The following EXOC6B variants were observed in gnomAD, a reference collection of about 807,000 sequenced individuals.
The protein encoded by EXOC6B is exocyst complex component 6B.
EXOC6B carries 54 observed loss-of-function variants against 113.5 expected under a neutral mutation model. That is an observed-to-expected ratio of 0.48 (90% CI 0.38 to 0.60). The LOEUF (loss-of-function observed/expected upper bound fraction) is 0.60, where lower values mean the gene tolerates loss of function less well. Ranked by LOEUF, EXOC6B falls within the 20% of genes least tolerant of loss-of-function variation. EXOC6B has a pLI of 0.00. For missense variants in EXOC6B, 797 were observed against 977.5 expected, an observed-to-expected ratio of 0.82 and a Z score of 2.46; for synonymous variants, 357 against 339.0, an observed-to-expected ratio of 1.05 and a Z score of -0.58.
chr2:72,549,158 G>A (rs1703071112), intron 8 of EXOC6B, among the ~76,000 whole-genome samples: 1 of 152,178 alleles, frequency 6.6e-6, no homozygotes, highest in South Asian at 2.1e-4. Flanking sequence ...AGAAAATATG[G>A]ATGATAAGAC....
chr2:72,374,864 A>G (rs1437706619), intron 19 of EXOC6B, among the ~76,000 whole-genome samples: 2 of 151,004 alleles, frequency 1.3e-5, no homozygotes. Flanking sequence ...TCACCTAACC[A>G]ACCCAATTAA....
At chr2:72,313,540 A>T (rs1687336338) in intron 20 of EXOC6B, among the ~76,000 whole-genome samples, 1 of 152,178 alleles carries the variant, frequency 6.6e-6, no homozygotes. Flanking sequence ...AAGGGTGTGT[A>T]TATGTAAAAT....
intron 18 of EXOC6B, among the ~76,000 whole-genome samples, chr2:72,403,135 T>C (rs1349291203): frequency 6.6e-6 from 1 of 152,196 alleles, no homozygotes; most frequent in African/African-American, 2.4e-5. Context: ...CTTTTCTGAG[T>C]GTATTGCACT....
At chr2:72,431,534 T>TATCC (rs1317124589) in intron 18 of EXOC6B, among the ~76,000 whole-genome samples, 2 of 151,546 alleles carry the variant, frequency 1.3e-5, no homozygotes, top group African/African-American at 4.8e-5. Flanking sequence ...TCTATCTATC[T>TATCC]ATCTAAGACC....
rs954246088 is a variant in EXOC6B at position 72,687,139 on chromosome 2, A to C, written c.669+30964T>G. On this transcript the variant is annotated intron_variant, in intron 6 of 21. Transcript: ENST00000272427. ...GGTGACAGAGCCAGACTGTGTCTCAAAAAAAAAAAAAAACCTTTGTTTTTT... is the reference window on the plus strand; with the variant it reads ...GGTGACAGAGCCAGACTGTGTCTCACAAAAAAAAAAAAACCTTTGTTTTTT... Among the ~76,000 whole-genome samples, 21 of 99,448 alleles carry C rather than the reference A, an allele frequency of 2.1e-4. 1 individual carries two copies. Among genetic ancestry groups the C allele is most frequent in the African/African-American group, 1.6e-3 (18 of 11,426 alleles). The allele number at this position is 99,448 out of a possible 152,430, so 65.2% of individuals were successfully genotyped here.
intron 1 of EXOC6B, among the ~76,000 whole-genome samples, chr2:72,809,351 C>T (rs907310158): frequency 4.0e-5 from 6 of 151,720 alleles, no homozygotes; most frequent in Non-Finnish European, 7.4e-5. Context: ...TCAAATATAA[C>T]GATACAGGCA....
rs558852513 is a variant in EXOC6B, at chr2:72,248,970, A to C, written c.2197-64783T>G. ...TCTAGTTTCAACAGAATTCATCTGA[A>C]GAGGCAAACAAGGCTGGGTGTGGTA... On this transcript the variant is annotated intron_variant, in intron 20 of 21. Transcript: ENST00000272427. Among the ~76,000 whole-genome samples, 99 of 152,362 alleles carry C rather than the reference A, an allele frequency of 6.5e-4. 1 individual carries two copies. Among genetic ancestry groups the C allele is most frequent in the African/African-American group, 2.4e-3 (99 of 41,598 alleles).
At chr2:72,613,754 A>C (rs1671218789) in intron 6 of EXOC6B, among the ~76,000 whole-genome samples, 1 of 152,118 alleles carries the variant, frequency 6.6e-6, no homozygotes, top group African/African-American at 2.4e-5. Flanking sequence ...GCAAAAAAAA[A>C]AAAATCTAAA....
chr2:72,634,783 C>G (rs1046705932), intron 6 of EXOC6B, among the ~76,000 whole-genome samples: 31 of 152,228 alleles, frequency 2.0e-4, no homozygotes, highest in African/African-American at 6.7e-4. Flanking sequence ...CTTGTGCTGT[C>G]CTTATAACAA....
intron 20 of EXOC6B, among the ~76,000 whole-genome samples, chr2:72,293,056 G>A (rs1006735794): frequency 6.6e-6 from 1 of 152,116 alleles, no homozygotes; most frequent in Non-Finnish European, 1.5e-5. Context: ...GCCAGAAGTG[G>A]AATTGCTGAT....
In EXOC6B at chr2:72,350,355, T is replaced by C. The variant is rs188443499; in HGVS notation, c.2123-15335A>G. ...TTCGTTGATAACTTTTCCCCCAATA[T>C]AGAATTTTAATGTAAAGTATTAAAA... On this transcript the variant is annotated intron_variant, in intron 19 of 21. Transcript: ENST00000272427. 3.7e-3 allele frequency among the ~76,000 whole-genome samples: 568 copies of C among 152,308 alleles called. 3 individuals carry two copies. Among genetic ancestry groups the C allele is most frequent in the Non-Finnish European group, 5.7e-3 (386 of 68,030 alleles).
At chr2:72,633,403 CTGT>C (rs143179794) in intron 6 of EXOC6B, among the ~76,000 whole-genome samples, 2 of 151,982 alleles carry the variant, frequency 1.3e-5, no homozygotes, top group African/African-American at 4.8e-5. Context: ...ACAATGTATG[CTGT>C]TGTTGTTGTT....
intron 18 of EXOC6B, among the ~76,000 whole-genome samples, chr2:72,433,981 C>T (rs940871506): frequency 1.3e-5 from 2 of 152,056 alleles, no homozygotes; most frequent in African/African-American, 4.8e-5. Flanking sequence ...TGTCTTGTGC[C>T]GGTTTTCAAA....
At chr2:72,518,491 T>C (rs1025271453) in intron 8 of EXOC6B, among the ~76,000 whole-genome samples, 1 of 150,938 alleles carries the variant, frequency 6.6e-6, no homozygotes, top group African/African-American at 2.4e-5. Context: ...AGGGTGTGTG[T>C]GTGTGTGTGT....
At chr2:72,304,678 A>G (rs1686725698) in intron 20 of EXOC6B, among the ~76,000 whole-genome samples, 1 of 152,228 alleles carries the variant, frequency 6.6e-6, no homozygotes, top group African/African-American at 2.4e-5. Flanking sequence ...ATCAACCTCT[A>G]GTAAAAAATA....
chr2:72,202,149 T>C (rs762564674), intron 20 of EXOC6B, among the ~76,000 whole-genome samples: 4 of 152,238 alleles, frequency 2.6e-5, no homozygotes, highest in Non-Finnish European at 5.9e-5. Flanking sequence ...GGTCTATATA[T>C]GGCTTGTTGT....
intron 19 of EXOC6B, among the ~76,000 whole-genome samples, chr2:72,357,940 T>C (rs1426742654): frequency 6.6e-6 from 1 of 152,094 alleles, no homozygotes; most frequent in East Asian, 1.9e-4. Context: ...CACACAACAA[T>C]GAAACCACCT....
At chr2:72,401,582 C>CGT (rs1553397954) in intron 18 of EXOC6B, among the ~76,000 whole-genome samples, 1 of 18,452 alleles carries the variant, frequency 5.4e-5, no homozygotes, top group Non-Finnish European at 9.4e-5. Context: ...TATATATATA[C>CGT]ATATATATAT....
rs571056929 is a variant in EXOC6B at position 72,641,007 on chromosome 2, C to T, written c.670-65339G>A. Among the ~76,000 whole-genome samples, 343 of 152,240 alleles carry T rather than the reference C, an allele frequency of 2.3e-3. 1 individual carries two copies. Among genetic ancestry groups the T allele is most frequent in the African/African-American group, 7.7e-3 (321 of 41,520 alleles). On this transcript the variant is annotated intron_variant, in intron 6 of 21. Transcript: ENST00000272427. ...AAGGCCTTCAAAGACACTTAGATTCCCACACAATAATAGTGGAAGACTTTA... is the reference window on the plus strand; with the variant it reads ...AAGGCCTTCAAAGACACTTAGATTCTCACACAATAATAGTGGAAGACTTTA...
Sources: allele counts gnomAD v4.1 joint callset (sites outside exome capture counted in the v4.1 genomes callset), GRCh38; gene constraint gnomAD v4.1.1; transcripts MANE v1.5; gene names NCBI Gene and HGNC (gene_info 2026-07-23, HGNC 2026-07-21).